The following RALY variants were observed in gnomAD, a reference collection of about 807,000 sequenced individuals.
RALY encodes RALY heterogeneous nuclear ribonucleoprotein.
In RALY, 15 loss-of-function variants were observed where a neutral mutation model predicts 30.7. That is an observed-to-expected ratio of 0.49 (90% CI 0.33 to 0.75). The LOEUF (loss-of-function observed/expected upper bound fraction) is 0.75. Among genes scored for constraint, RALY ranks in the 30% least tolerant of loss-of-function variants. RALY has a pLI of 0.02. For missense variants in RALY, 339 were observed against 414.3 expected (o/e 0.82, Z 1.58); for synonymous variants, 177 against 170.8 (o/e 1.04, Z -0.28).
rs1002115252 is a variant in RALY at position 33,994,068 on chromosome 20, C to T, written c.-156C>T. On this transcript the variant is annotated 5_prime_UTR_variant, in exon 1 of 10. Coordinates refer to ENST00000246194, the MANE Select transcript of RALY (RefSeq NM_016732.3). Reference sequence around the variant, plus strand: ...CGCCCTTTTCCTCCCTCCCTTACGTCCCCGAGTGCGGCAGTACCGCCTCCT... The same window carrying T: ...CGCCCTTTTCCTCCCTCCCTTACGTTCCCGAGTGCGGCAGTACCGCCTCCT... 4 of 152,294 alleles carry T rather than the reference C, an allele frequency of 2.6e-5. No individual in the cohort carries two copies. Among genetic ancestry groups the T allele is most frequent in the African/African-American group, 9.6e-5 (4 of 41,456 alleles). 9.4% of individuals were successfully genotyped at this position (152,294 alleles called of 1,614,324 possible).
At chr20:34,032,136 A>G (rs1568667473) in intron 2 of RALY, among the ~76,000 whole-genome samples, 8 of 151,890 alleles carry the variant, frequency 5.3e-5, no homozygotes. Flanking sequence ...CTAATTTTGT[A>G]TTTTTTAGTA....
At chr20:34,031,944 T>TA (rs1456773848) in intron 2 of RALY, among the ~76,000 whole-genome samples, 1 of 152,164 alleles carries the variant, frequency 6.6e-6, no homozygotes, top group Non-Finnish European at 1.5e-5. Flanking sequence ...ACAAGCTCTT[T>TA]AACATGACCT....
At chr20:34,001,386 C>T (rs565394709) in intron 1 of RALY, among the ~76,000 whole-genome samples, 1 of 152,196 alleles carries the variant, frequency 6.6e-6, no homozygotes, top group East Asian at 1.9e-4. Flanking sequence ...TTACCTGGCC[C>T]TTGAAGTGCC....
In RALY at chr20:34,067,330, A is replaced by AT. The variant is rs77254001; in HGVS notation, c.-9-4723dup. 9.3e-4 allele frequency among the ~76,000 whole-genome samples: 137 copies of AT among 146,752 alleles called. 1 individual carries two copies. The highest frequency in any genetic ancestry group is 2.1e-3 in the African/African-American group (85 of 40,188). On this transcript the variant is annotated intron_variant, in intron 2 of 9. Transcript: ENST00000246194. ...AGACATCTGCCACCATGCCCGGCTA[A>AT]TTTTTTTTTTTTTAAAGTAGAGACG...
At position 34,081,929 on chromosome 20, in the gene RALY, A is replaced by G. The variant is rs184148540; in HGVS notation, c.*2024A>G. On this transcript the variant is annotated 3_prime_UTR_variant, in exon 10 of 10. Transcript: ENST00000246194. ...TTGCCATGGACCCTGGGCAGCAGGGAGAGAGTAGAGATTTGTCAAGAGCCC... is the reference window on the plus strand; with the variant it reads ...TTGCCATGGACCCTGGGCAGCAGGGGGAGAGTAGAGATTTGTCAAGAGCCC... The G allele has an allele frequency of 4.6e-5, 7 of 152,388 alleles. No individual in the cohort carries two copies. In the East Asian group the frequency reaches 1.2e-3, roughly 25 times the overall value. 9.4% of individuals were successfully genotyped at this position (152,388 alleles called of 1,614,324 possible).
At chr20:34,012,065 CAAAA>C (rs142466996) in intron 1 of RALY, among the ~76,000 whole-genome samples, 2 of 116,596 alleles carry the variant, frequency 1.7e-5, no homozygotes. Context: ...GACCCTGTCT[CAAAA>C]AAAAAAAAAA....
chr20:34,025,321 T>TA lies in RALY; in HGVS notation c.-92-6199dup, dbSNP rs1187845983. On this transcript the variant is annotated intron_variant, in intron 1 of 9. Coordinates refer to ENST00000246194, the MANE Select transcript of RALY (RefSeq NM_016732.3). ...TCTCTCTCTCTCTCTTTTTTTTTTT[T>TA]AAGACAATCTCAGTCTGTTGCCCAG... Among the ~76,000 whole-genome samples, 14 of 149,758 alleles carry TA rather than the reference T, an allele frequency of 9.3e-5. No individual in the cohort carries two copies. The East Asian group carries it at 2.6e-3, about 28-fold the overall frequency.
intron 1 of RALY, among the ~76,000 whole-genome samples, chr20:33,994,610 C>T (rs961641494): frequency 3.3e-5 from 5 of 152,204 alleles, no homozygotes; most frequent in African/African-American, 4.8e-5. Flanking sequence ...CTTGTCCTGC[C>T]TCGGCTCCCG....
At chr20:34,005,589 G>A (rs954814579) in intron 1 of RALY, among the ~76,000 whole-genome samples, 1 of 152,082 alleles carries the variant, frequency 6.6e-6, no homozygotes, top group Non-Finnish European at 1.5e-5. Context: ...ACTGTGTTGA[G>A]ATATCATACT....
chr20:34,015,351 C>A (rs184895351), intron 1 of RALY, among the ~76,000 whole-genome samples: 1 of 151,158 alleles, frequency 6.6e-6, no homozygotes, highest in Admixed American at 6.6e-5. Flanking sequence ...TTTTAAATCT[C>A]CCCCTTTCTC....
chr20:34,029,673 G>T (rs2032196075), intron 1 of RALY, among the ~76,000 whole-genome samples: 1 of 152,136 alleles, frequency 6.6e-6, no homozygotes, highest in Non-Finnish European at 1.5e-5. Flanking sequence ...AATCATGGAG[G>T]CTGGGAAATA....
intron 2 of RALY, among the ~76,000 whole-genome samples, chr20:34,053,550 A>G (rs1226608358): frequency 1.3e-5 from 2 of 151,768 alleles, no homozygotes; most frequent in Admixed American, 1.3e-4. Context: ...AACATGTACC[A>G]CCATGCCCGG....
intron 1 of RALY, among the ~76,000 whole-genome samples, chr20:34,006,818 C>G (rs1396563956): frequency 1.3e-5 from 2 of 152,224 alleles, no homozygotes; most frequent in Non-Finnish European, 2.9e-5. Context: ...TAAGTGCACA[C>G]TGGTGTTTGC....
rs545021908 is a variant in RALY, at chr20:34,074,542, C to G, written c.377+676C>G. Among the ~76,000 whole-genome samples the G allele has an allele frequency of 3.3e-5, 5 of 152,278 alleles. No individual in the cohort carries two copies. The South Asian group carries it at 1.0e-3, about 32-fold the overall frequency. On this transcript the variant is annotated intron_variant, in intron 5 of 9. Transcript: ENST00000246194. ...AGTGCCTCTCTGAGCATGAGTCGTCCGCCCCCATCCCCACCCCGCCCCTGT... is the reference window on the plus strand; with the variant it reads ...AGTGCCTCTCTGAGCATGAGTCGTCGGCCCCCATCCCCACCCCGCCCCTGT...
chr20:34,072,937 TGTG>T, intron 3 of RALY, among the ~76,000 whole-genome samples: 1 of 146,216 alleles, frequency 6.8e-6, no homozygotes, highest in South Asian at 2.1e-4. Context: ...GTAGTGTGTG[TGTG>T]TGTGTGTGTG....
At chr20:34,036,061 A>T (rs949803042) in intron 2 of RALY, among the ~76,000 whole-genome samples, 1 of 152,154 alleles carries the variant, frequency 6.6e-6, no homozygotes, top group African/African-American at 2.4e-5. Flanking sequence ...GGACCAGATC[A>T]TGGAGAGCTT....
At chr20:34,019,783 C>T (rs557328678) in intron 1 of RALY, among the ~76,000 whole-genome samples, 16 of 152,154 alleles carry the variant, frequency 1.1e-4, no homozygotes, top group East Asian at 3.9e-4. Context: ...GAAGCTTGGC[C>T]GGGCGCGGTG....
chr20:34,080,782 C>T lies in RALY; in HGVS notation c.*877C>T, dbSNP rs2034017759. On this transcript the variant is annotated 3_prime_UTR_variant, in exon 10 of 10. Coordinates refer to ENST00000246194, the MANE Select transcript of RALY (RefSeq NM_016732.3). Reference sequence around the variant, plus strand: ...ACCTCCTGAATGTAGGGTGTAAGATCCTGCTTACTCCAGCCTCTCCTGTTT... The same window carrying T: ...ACCTCCTGAATGTAGGGTGTAAGATTCTGCTTACTCCAGCCTCTCCTGTTT... The T allele has an allele frequency of 1.3e-5, 2 of 152,384 alleles. No homozygotes were observed. Among genetic ancestry groups the T allele is most frequent in the Non-Finnish European group, 2.9e-5 (2 of 68,122 alleles). 9.4% of individuals were successfully genotyped at this position (152,384 alleles called of 1,614,324 possible). A position where few individuals can be genotyped will look rare whatever the true frequency, so the allele number is the denominator to read the frequency against.
chr20:34,024,614 C>T (rs1479341449), intron 1 of RALY, among the ~76,000 whole-genome samples: 1 of 152,150 alleles, frequency 6.6e-6, no homozygotes, highest in Non-Finnish European at 1.5e-5. Context: ...CTCAAGACCC[C>T]TAATGTCACC....
Sources: allele counts gnomAD v4.1 joint callset (sites outside exome capture counted in the v4.1 genomes callset), GRCh38; gene constraint gnomAD v4.1.1; transcripts MANE v1.5; gene names NCBI Gene and HGNC (gene_info 2026-07-23, HGNC 2026-07-21).